The following HECW2 variants were observed in gnomAD, a reference collection of about 807,000 sequenced individuals.
HECW2 encodes the protein HECT, C2 and WW domain containing E3 ubiquitin protein ligase 2.
A neutral mutation model predicts 175.2 loss-of-function variants in HECW2; 61 were observed. The ratio of observed to expected loss-of-function variants is 0.35; its 90% CI spans 0.28 to 0.43. HECW2 has a LOEUF of 0.43. Among genes scored for constraint, HECW2 ranks in the 20% least tolerant of loss-of-function variants. The pLI is 1.00. For missense variants in HECW2, 1,524 were observed against 2,000.5 expected (o/e 0.76, Z 4.54); for synonymous variants, 671 against 731.0 (o/e 0.92, Z 1.32).
rs1180967303 is a variant in HECW2 at position 196,203,129 on chromosome 2, G to T, written c.4608-1741C>A. Among the ~76,000 whole-genome samples the T allele has an allele frequency of 3.3e-5, 5 of 152,082 alleles. No individual in the cohort carries two copies. In the East Asian group the frequency reaches 7.7e-4, roughly 23 times the overall value. Reference sequence around the variant, plus strand: ...TTAGATTTAAAATTTTTTGACTAGGGATACTCCAACTGTATGAGTTTTAGG... The same window carrying T: ...TTAGATTTAAAATTTTTTGACTAGGTATACTCCAACTGTATGAGTTTTAGG... On this transcript the variant is annotated intron_variant, in intron 28 of 28. Coordinates refer to ENST00000644978, the MANE Select transcript of HECW2 (RefSeq NM_001348768.2).
At chr2:196,544,568 T>C (rs1049091820) in intron 1 of HECW2, among the ~76,000 whole-genome samples, 94 of 152,186 alleles carry the variant, frequency 6.2e-4, no homozygotes, top group African/African-American at 2.1e-3. Flanking sequence ...GGTACCACCA[T>C]TTCTGAGAAA....
At chr2:196,503,273 A>G (rs897606428) in intron 1 of HECW2, among the ~76,000 whole-genome samples, 9 of 152,108 alleles carry the variant, frequency 5.9e-5, no homozygotes, top group Admixed American at 3.9e-4. Context: ...TGGAAATCCT[A>G]TATCTCAGAG....
At chr2:196,220,259 G>A (rs1194066397) in intron 25 of HECW2, 106 bp from the exon 26 acceptor site, 2 of 698,370 alleles carry the variant, frequency 2.9e-6, no homozygotes, top group East Asian at 2.6e-5. Context: ...AATAATATGT[G>A]TGTACCTTGT....
chr2:196,508,539 G>C (rs1443754650), intron 1 of HECW2, among the ~76,000 whole-genome samples: 1 of 152,166 alleles, frequency 6.6e-6, no homozygotes, highest in East Asian at 1.9e-4. Flanking sequence ...TTGTGTGTAG[G>C]ATGAGTAGGT....
intron 1 of HECW2, among the ~76,000 whole-genome samples, chr2:196,568,946 G>A (rs1222134592): frequency 1.3e-5 from 2 of 152,186 alleles, no homozygotes; most frequent in African/African-American, 4.8e-5. Context: ...GGTGTTTTCA[G>A]TTGTGTATGT....
At chr2:196,515,632 G>A (rs1688121648) in intron 1 of HECW2, among the ~76,000 whole-genome samples, 1 of 152,096 alleles carries the variant, frequency 6.6e-6, no homozygotes, top group African/African-American at 2.4e-5. Flanking sequence ...TCTCCAACAG[G>A]CAAATTCTTT....
intron 1 of HECW2, among the ~76,000 whole-genome samples, chr2:196,503,897 C>T (rs1338287536): frequency 1.3e-5 from 2 of 152,286 alleles, no homozygotes; most frequent in East Asian, 3.9e-4. Flanking sequence ...TACTGTGCTC[C>T]TTGTGAGACT....
At chr2:196,509,160 A>C (rs1303219188) in intron 1 of HECW2, among the ~76,000 whole-genome samples, 1 of 152,248 alleles carries the variant, frequency 6.6e-6, no homozygotes, top group Non-Finnish European at 1.5e-5. Flanking sequence ...AGATATTTTA[A>C]AGGCTACAAA....
intron 22 of HECW2, among the ~76,000 whole-genome samples, chr2:196,226,773 C>T (rs534365319): frequency 1.3e-5 from 2 of 152,358 alleles, no homozygotes; most frequent in East Asian, 3.9e-4. Flanking sequence ...CCTATTCTCT[C>T]TCAAGACCCA....
intron 20 of HECW2, among the ~76,000 whole-genome samples, chr2:196,241,516 A>G (rs1413056647): frequency 6.6e-6 from 1 of 152,158 alleles, no homozygotes; most frequent in Admixed American, 6.5e-5. Context: ...GGGACGTGGG[A>G]CAGGGGTGAA....
chr2:196,440,529 A>G (rs1431639901), intron 1 of HECW2, among the ~76,000 whole-genome samples: 1 of 152,202 alleles, frequency 6.6e-6, no homozygotes, highest in Non-Finnish European at 1.5e-5. Context: ...CTAAAATTTG[A>G]GTTTTAGCTA....
chr2:196,438,415 TTTTC>T (rs982613325), intron 1 of HECW2, among the ~76,000 whole-genome samples: 4 of 152,236 alleles, frequency 2.6e-5, no homozygotes, highest in Non-Finnish European at 5.9e-5. Flanking sequence ...TTACTAATTT[TTTTC>T]TTTCTTTTTT....
At chr2:196,449,037 C>A (rs1246156924) in intron 1 of HECW2, among the ~76,000 whole-genome samples, 2 of 152,130 alleles carry the variant, frequency 1.3e-5, no homozygotes, top group Admixed American at 1.3e-4. Context: ...TTCTGCCTCC[C>A]ACTTCAATGT....
chr2:196,446,147 C>A (rs76416738), intron 1 of HECW2, among the ~76,000 whole-genome samples: 1 of 152,146 alleles, frequency 6.6e-6, no homozygotes, highest in South Asian at 2.1e-4. Context: ...ATGTTCACAC[C>A]GCTCCAGTCC....
rs1329213741 is a variant in HECW2, at chr2:196,395,920, CT to C, written c.292+37211del. Among the ~76,000 whole-genome samples, 7 of 152,278 alleles carry C rather than the reference CT, an allele frequency of 4.6e-5. No homozygotes were observed. The East Asian group carries it at 1.3e-3, about 29-fold the overall frequency. ...ATTAAAATGGGACTCAAACAGGTAT[CT>C]GTATGCCCACGTTCATAGGAGCACT... On this transcript the variant is annotated intron_variant, in intron 2 of 28. Coordinates refer to ENST00000644978, the MANE Select transcript of HECW2 (RefSeq NM_001348768.2).
At chr2:196,258,081 G>T (rs200823722) in intron 17 of HECW2, 175 bp from the exon 18 acceptor site, 1 of 121,890 alleles carries the variant, frequency 8.2e-6, no homozygotes, top group Admixed American at 1.6e-4. Flanking sequence ...TTGCCTTCAA[G>T]GGGGGGGATC....
At chr2:196,566,467 T>C (rs1162238303) in intron 1 of HECW2, among the ~76,000 whole-genome samples, 1 of 151,832 alleles carries the variant, frequency 6.6e-6, no homozygotes, top group African/African-American at 2.4e-5. Flanking sequence ...TAGAAAAATA[T>C]CTTCATAATT....
intron 6 of HECW2, among the ~76,000 whole-genome samples, chr2:196,324,313 C>T (rs970998930): frequency 6.6e-6 from 1 of 152,100 alleles, no homozygotes; most frequent in African/African-American, 2.4e-5. Context: ...CATTCTTTGA[C>T]TTTCCGTAGT....
intron 2 of HECW2, among the ~76,000 whole-genome samples, chr2:196,395,148 G>A (rs1006663075): frequency 2.0e-5 from 3 of 151,958 alleles, no homozygotes; most frequent in African/African-American, 7.3e-5. Flanking sequence ...ATGAATTTTG[G>A]GAAGAAACAA....
Sources: allele counts gnomAD v4.1 joint callset (sites outside exome capture counted in the v4.1 genomes callset), GRCh38; gene constraint gnomAD v4.1.1; transcripts MANE v1.5; gene names NCBI Gene and HGNC (gene_info 2026-07-23, HGNC 2026-07-21).